The following KITLG variants were observed in gnomAD, a reference collection of about 807,000 sequenced individuals.
KITLG encodes the protein KIT ligand.
Under a neutral mutation model 34.1 loss-of-function variants are expected in KITLG, and 13 were observed. The observed-to-expected ratio is 0.38, with a 90% confidence interval of 0.25 to 0.61. KITLG has a LOEUF of 0.61. Among genes scored for constraint, KITLG ranks in the 20% least tolerant of loss-of-function variants. The pLI is 0.60. For missense variants in KITLG, 292 were observed against 318.9 expected, an observed-to-expected ratio of 0.92 and a Z score of 0.64; for synonymous variants, 110 against 104.0, an observed-to-expected ratio of 1.06 and a Z score of -0.35.
At chr12:88,572,572 TTA>T (rs574891605) in intron 1 of KITLG, among the ~76,000 whole-genome samples, 1,467 of 135,224 alleles carry the variant, frequency 0.011, 19 homozygotes, top group Middle Eastern at 0.018. Context: ...AATATGTACA[TTA>T]TATATATATT....
chr12:88,544,838 G>T (rs1005153052), intron 2 of KITLG, among the ~76,000 whole-genome samples: 4 of 152,028 alleles, frequency 2.6e-5, no homozygotes, highest in Admixed American at 6.6e-5. Context: ...CAAGAGGAGG[G>T]AAGATAAATA....
intron 8 of KITLG, 120 bp downstream of exon 8, chr12:88,506,191 C>G: frequency 1.3e-6 from 1 of 751,104 alleles, no homozygotes; most frequent in Non-Finnish European, 2.4e-6. Context: ...AGTTGGGACT[C>G]ACTGGTTAGG....
chr12:88,521,749 T>C (rs567515893), intron 3 of KITLG, among the ~76,000 whole-genome samples: 4 of 152,174 alleles, frequency 2.6e-5, no homozygotes, highest in Non-Finnish European at 4.4e-5. Flanking sequence ...AAGAAACATA[T>C]AGATTCTGCT....
At chr12:88,526,895 G>T (rs1245387843) in intron 3 of KITLG, among the ~76,000 whole-genome samples, 2 of 132,798 alleles carry the variant, frequency 1.5e-5, no homozygotes, top group African/African-American at 5.5e-5. Context: ...TTGAGACGGA[G>T]TCTCGCTCTG....
intron 6 of KITLG, among the ~76,000 whole-genome samples, chr12:88,507,747 G>A (rs1869117949): frequency 6.6e-6 from 1 of 152,152 alleles, no homozygotes; most frequent in Admixed American, 6.5e-5. Context: ...GAAAGCTTAA[G>A]ACTAACACTA....
At chr12:88,526,989 C>T (rs961647020) in intron 3 of KITLG, among the ~76,000 whole-genome samples, 9 of 151,610 alleles carry the variant, frequency 5.9e-5, no homozygotes, top group African/African-American at 2.2e-4. Context: ...CTGTCTCAGC[C>T]TCCTGAGTAG....
At chr12:88,550,016 T>C (rs11104948) in intron 1 of KITLG, among the ~76,000 whole-genome samples, 11,937 of 152,252 alleles carry the variant, frequency 0.078, 517 homozygotes, top group Non-Finnish European at 0.1. Context: ...ACCACTGGTT[T>C]GGCAACATTA....
At chr12:88,578,990 G>A (rs964058793) in intron 1 of KITLG, among the ~76,000 whole-genome samples, 14 of 152,164 alleles carry the variant, frequency 9.2e-5, no homozygotes, top group African/African-American at 3.1e-4. Flanking sequence ...TGTAAGAGAG[G>A]GGAGAGGCAC....
chr12:88,561,597 A>C (rs1397135353), intron 1 of KITLG, among the ~76,000 whole-genome samples: 8 of 152,240 alleles, frequency 5.3e-5, no homozygotes. Flanking sequence ...GGGAATATAT[A>C]AAACATGATC....
chr12:88,558,313 C>T (rs1483571845), intron 1 of KITLG, among the ~76,000 whole-genome samples: 1 of 152,042 alleles, frequency 6.6e-6, no homozygotes, highest in Non-Finnish European at 1.5e-5. Flanking sequence ...AAGTTCCCCC[C>T]ACCCCTCACG....
chr12:88,580,193 C>A, intron 1 of KITLG, 71 bp downstream of exon 1: 1 of 1,523,476 alleles, frequency 6.6e-7, no homozygotes, highest in East Asian at 2.4e-5. Flanking sequence ...CCAGGGAGCG[C>A]CGGCTTCCCC....
rs956417197 is a variant in KITLG, at chr12:88,496,388, A to G, written c.*831T>C. ...AACACATTTTGCAAACACGATTTAT[A>G]CACCCTATAGTGGTCAAGGGAAAAG... On this transcript the variant is annotated 3_prime_UTR_variant, in exon 10 of 10. Transcript: ENST00000644744. The G allele has an allele frequency of 8.5e-5, 13 of 152,290 alleles. No individual in the cohort carries two copies. The highest frequency in any genetic ancestry group is 3.9e-4 in the East Asian group (2 of 5,180). The allele number at this position is 152,290 out of a possible 1,614,324, so 9.4% of individuals were successfully genotyped here.
At chr12:88,555,720 C>CA (rs1871075209) in intron 1 of KITLG, among the ~76,000 whole-genome samples, 1 of 151,940 alleles carries the variant, frequency 6.6e-6, no homozygotes, top group African/African-American at 2.4e-5. Flanking sequence ...GGGAGAAACC[C>CA]AAAAAATAAA....
intron 1 of KITLG, among the ~76,000 whole-genome samples, chr12:88,567,388 A>G (rs1291096668): frequency 6.6e-6 from 1 of 152,180 alleles, no homozygotes; most frequent in Non-Finnish European, 1.5e-5. Flanking sequence ...TCTCTTTCAC[A>G]AGTGTTTTGA....
chr12:88,580,446 T>C lies in KITLG; in HGVS notation c.-168A>G, dbSNP rs1465508494. 7 of 831,716 alleles carry C rather than the reference T, an allele frequency of 8.4e-6. No individual in the cohort carries two copies. Among genetic ancestry groups the C allele is most frequent in the Admixed American group, 2.5e-5 (1 of 40,200 alleles). 51.5% of individuals were successfully genotyped at this position (831,716 alleles called of 1,614,324 possible). A position where few individuals can be genotyped will look rare whatever the true frequency, so the allele number is the denominator to read the frequency against. On this transcript the variant is annotated 5_prime_UTR_variant, in exon 1 of 10. Transcript: ENST00000644744. ...TCCCTGCTTCCCGCAGCGCTTCTAG[T>C]CTCGGCGCGAGGCGGCGAGCGAAGC...
chr12:88,551,318 G>C (rs1241894151), intron 1 of KITLG, among the ~76,000 whole-genome samples: 1 of 152,152 alleles, frequency 6.6e-6, no homozygotes, highest in Non-Finnish European at 1.5e-5. Context: ...ACTCAGGAGA[G>C]AGCTGAAATG....
intron 2 of KITLG, among the ~76,000 whole-genome samples, chr12:88,536,004 G>A (rs991985858): frequency 6.6e-6 from 1 of 152,100 alleles, no homozygotes; most frequent in East Asian, 1.9e-4. Flanking sequence ...AATAATTTAT[G>A]ACTAAGTCCT....
chr12:88,569,245 G>C (rs1042876845), intron 1 of KITLG, among the ~76,000 whole-genome samples: 1 of 152,176 alleles, frequency 6.6e-6, no homozygotes, highest in Non-Finnish European at 1.5e-5. Flanking sequence ...GCACATGATA[G>C]AAAGAAGTAA....
chr12:88,579,067 CT>C (rs1413512067), intron 1 of KITLG, among the ~76,000 whole-genome samples: 1 of 152,154 alleles, frequency 6.6e-6, no homozygotes, highest in Admixed American at 6.5e-5. Context: ...GGCAATGTCC[CT>C]TTCCCCTGCC....
Sources: gnomAD v4.1 joint callset for allele counts (sites outside exome capture counted in the v4.1 genomes callset) on GRCh38, gnomAD v4.1.1 for gene constraint, MANE v1.5 for transcripts, NCBI Gene and HGNC (gene_info 2026-07-23, HGNC 2026-07-21) for gene names.